The following FAM53A variants were observed in gnomAD, a reference collection of about 807,000 sequenced individuals.
FAM53A encodes the protein protein FAM53A.
A neutral mutation model predicts 26.6 loss-of-function variants in FAM53A; 28 were observed. The observed-to-expected ratio is 1.05, with a 90% CI of 0.78 to 1.45. The LOEUF is 1.45. Ranked by LOEUF, FAM53A falls within the 40% of genes most tolerant of loss-of-function variation. The probability of loss-of-function intolerance (pLI) is 0.00; values close to 1 mark genes in which losing one functional copy is unlikely to be tolerated. For missense variants in FAM53A, 650 were observed against 575.8 expected (o/e 1.13, Z -1.32); for synonymous variants, 290 against 253.1 (o/e 1.15, Z -1.38).
downstream of FAM53A, among the ~76,000 whole-genome samples, chr4:1,638,687 G>A (rs1431744589): frequency 5.9e-5 from 9 of 152,086 alleles, no homozygotes; most frequent in African/African-American, 9.7e-5. Context: ...GGTGGGGGGC[G>A]GCTGGTGACT....
the FAM53A span, among the ~76,000 whole-genome samples, chr4:1,601,154 G>C: frequency 1.3e-5 from 2 of 152,148 alleles, no homozygotes; most frequent in Non-Finnish European, 2.9e-5. Context: ...TGTCCGCTGA[G>C]TCAGGCCCCC....
upstream of FAM53A, among the ~76,000 whole-genome samples, chr4:1,684,520 G>A (rs1346748803): frequency 3.3e-5 from 5 of 151,246 alleles, no homozygotes; most frequent in Non-Finnish European, 7.4e-5. Context: ...GCGAGGGTCT[G>A]GCCCCGCCCC....
At chr4:1,654,241 T>C (rs1713122834) in intron 4 of FAM53A, among the ~76,000 whole-genome samples, 2 of 152,192 alleles carry the variant, frequency 1.3e-5, no homozygotes, top group South Asian at 4.1e-4. Context: ...CACCCTACTC[T>C]GTCACGGCTC....
At chr4:1,657,215 G>GACC (rs1325204218) in intron 3 of FAM53A, among the ~76,000 whole-genome samples, 193 bp downstream of exon 3, 1 of 152,228 alleles carries the variant, frequency 6.6e-6, no homozygotes, top group Non-Finnish European at 1.5e-5. Flanking sequence ...CCTGCTCACA[G>GACC]ACCACTCTTG....
intron 1 of FAM53A, among the ~76,000 whole-genome samples, chr4:1,673,414 C>G (rs981406446): frequency 6.6e-6 from 1 of 152,182 alleles, no homozygotes; most frequent in Admixed American, 6.6e-5. Flanking sequence ...GTGCAAGAGT[C>G]ACACGCTCAT....
chr4:1,590,792 TA>T, the FAM53A span, among the ~76,000 whole-genome samples: 1 of 151,654 alleles, frequency 6.6e-6, no homozygotes, highest in Non-Finnish European at 1.5e-5. Flanking sequence ...TCAATTAATT[TA>T]TTATGCCATT....
intron 1 of FAM53A, among the ~76,000 whole-genome samples, chr4:1,672,838 C>T (rs1714780339): frequency 7.4e-6 from 1 of 135,604 alleles, no homozygotes; most frequent in Non-Finnish European, 1.5e-5. Flanking sequence ...GGTGTGATCT[C>T]GGCTCACTGC....
At chr4:1,624,082 C>G (rs1164688459) in intron 1 of FAM53A, among the ~76,000 whole-genome samples, 2 of 152,238 alleles carry the variant, frequency 1.3e-5, no homozygotes, top group African/African-American at 2.4e-5. Flanking sequence ...GCTGTGTCGT[C>G]TGCAGGGACC....
At chr4:1,594,085 C>CGCGGA in the FAM53A span, among the ~76,000 whole-genome samples, 1 of 152,160 alleles carries the variant, frequency 6.6e-6, no homozygotes, top group East Asian at 1.9e-4. Context: ...CGCCGCGGGC[C>CGCGGA]CCAGGTCCCC....
intron 4 of FAM53A, among the ~76,000 whole-genome samples, chr4:1,654,239 T>C (rs1223792121): frequency 1.3e-5 from 2 of 152,142 alleles, no homozygotes; most frequent in African/African-American, 4.8e-5. Context: ...CCCACCCTAC[T>C]CTGTCACGGC....
At chr4:1,681,621 C>T (rs944430606) in intron 1 of FAM53A, among the ~76,000 whole-genome samples, 3 of 151,910 alleles carry the variant, frequency 2.0e-5, no homozygotes, top group Admixed American at 2.0e-4. Context: ...CTCAGCCTCC[C>T]AAGTAGCCAG....
chr4:1,654,641 C>T (rs1159064481), intron 4 of FAM53A, among the ~76,000 whole-genome samples: 2 of 152,258 alleles, frequency 1.3e-5, no homozygotes, highest in Non-Finnish European at 2.9e-5. Context: ...GACTCCCCAG[C>T]AGCTGAGGCG....
intron 2 of FAM53A, among the ~76,000 whole-genome samples, chr4:1,668,090 CTGTG>C (rs1332471525): frequency 6.6e-6 from 1 of 151,786 alleles, no homozygotes; most frequent in Non-Finnish European, 1.5e-5. Context: ...GCTCCAGCTT[CTGTG>C]TGTAAGTCAG....
chr4:1,628,454 T>G (rs1483945554), intron 1 of FAM53A, among the ~76,000 whole-genome samples: 1 of 124 alleles, frequency 8.1e-3, no homozygotes, highest in Non-Finnish European at 0.014. Flanking sequence ...GAGGGTGGCA[T>G]GGGGGAGGGT....
At chr4:1,638,458 C>T (rs935636891), downstream of FAM53A, among the ~76,000 whole-genome samples, 5 of 152,162 alleles carry the variant, frequency 3.3e-5, no homozygotes, top group African/African-American at 7.2e-5. Context: ...TCAAGGGCAC[C>T]GAGGGGAATG....
chr4:1,593,548 C>G, the FAM53A span, among the ~76,000 whole-genome samples: 1 of 152,204 alleles, frequency 6.6e-6, no homozygotes, highest in Admixed American at 6.5e-5. Context: ...CTTTAAGGGA[C>G]TTATCTCTTT....
intron 1 of FAM53A, among the ~76,000 whole-genome samples, chr4:1,670,465 AC>A (rs1463302154): frequency 6.6e-6 from 1 of 152,188 alleles, no homozygotes; most frequent in East Asian, 1.9e-4. Flanking sequence ...GGCAGACCAA[AC>A]CCAGGCAGGG....
In FAM53A at chr4:1,644,350, G is replaced by T. The variant is rs539062104; in HGVS notation, c.883-2743C>A. 3 of 1,535,654 alleles carry T rather than the reference G, an allele frequency of 2.0e-6. No homozygotes were observed. In the African/African-American group the frequency reaches 4.1e-5, roughly 21 times the overall value. ...GCGGGCACAGCTGTGCGGCTAGAGCGTGAAAACAGCAGGCTCTGAACGCCT... is the reference window on the plus strand; with the variant it reads ...GCGGGCACAGCTGTGCGGCTAGAGCTTGAAAACAGCAGGCTCTGAACGCCT... On this transcript the variant is annotated intron_variant, in intron 4 of 4. Coordinates refer to ENST00000308132, the MANE Select transcript of FAM53A (RefSeq NM_001174070.3).
chr4:1,642,981 C>T (rs1711872805), intron 4 of FAM53A, among the ~76,000 whole-genome samples: 1 of 152,216 alleles, frequency 6.6e-6, no homozygotes, highest in South Asian at 2.1e-4. Flanking sequence ...AAGTTATGAC[C>T]TAGAGCACAA....
Sources: gnomAD v4.1 joint callset for allele counts (sites outside exome capture counted in the v4.1 genomes callset) on GRCh38, gnomAD v4.1.1 for gene constraint, MANE v1.5 for transcripts, NCBI Gene and HGNC (gene_info 2026-07-23, HGNC 2026-07-21) for gene names.